The following CLVS1 variants were observed in gnomAD, a reference collection of about 807,000 sequenced individuals.
CLVS1 encodes the protein clavesin-1.
A neutral mutation model predicts 33.1 loss-of-function variants in CLVS1; 10 were observed. That is an observed-to-expected ratio of 0.30 (90% CI 0.19 to 0.51). The LOEUF is 0.51. Ranked by LOEUF, CLVS1 falls within the 20% of genes least tolerant of loss-of-function variation. The pLI is 0.97. For synonymous variants in CLVS1, 163 were observed against 166.1 expected (o/e 0.98, Z 0.14); for missense variants, 343 against 433.4 (o/e 0.79, Z 1.85).
At chr8:61,241,770 T>A (rs1808703182) in intron 2 of CLVS1, among the ~76,000 whole-genome samples, 1 of 152,246 alleles carries the variant, frequency 6.6e-6, no homozygotes, top group Non-Finnish European at 1.5e-5. Context: ...TCCTTTTATT[T>A]CTAAGATCTG....
At chr8:61,073,388 C>T (rs1171892487) in intron 1 of CLVS1, among the ~76,000 whole-genome samples, 1 of 152,116 alleles carries the variant, frequency 6.6e-6, no homozygotes, top group East Asian at 1.9e-4. Context: ...CTTCTAAAAC[C>T]ATGACTACAT....
At chr8:61,033,126 GGAAA>G in the CLVS1 span, among the ~76,000 whole-genome samples, 61 of 68,776 alleles carry the variant, frequency 8.9e-4, 6 homozygotes, top group East Asian at 9.9e-3. Flanking sequence ...AAGGAAGAAA[GGAAA>G]GAAAGAAAGA....
chr8:61,366,817 T>G (rs1813230207), intron 2 of CLVS1, among the ~76,000 whole-genome samples: 1 of 152,194 alleles, frequency 6.6e-6, no homozygotes, highest in Non-Finnish European at 1.5e-5. Flanking sequence ...ACGTGGCACC[T>G]GCTCATGGTG....
the CLVS1 span, among the ~76,000 whole-genome samples, chr8:61,013,712 A>G: frequency 1.4e-4 from 22 of 152,362 alleles, no homozygotes; most frequent in Admixed American, 1.4e-3. Context: ...GTGTGTGCCG[A>G]TGCCAAAATC....
At chr8:61,237,090 C>T (rs944070586) in intron 2 of CLVS1, among the ~76,000 whole-genome samples, 3 of 152,186 alleles carry the variant, frequency 2.0e-5, no homozygotes, top group Non-Finnish European at 2.9e-5. Flanking sequence ...GGAGGATGAT[C>T]AGTAAGACAA....
intron 3 of CLVS1, among the ~76,000 whole-genome samples, chr8:61,386,508 A>T (rs144466088): frequency 1.2e-3 from 190 of 152,320 alleles, no homozygotes; most frequent in African/African-American, 4.3e-3. Context: ...GCTGAAAAAG[A>T]GTACTATGAC....
chr8:61,129,961 G>A (rs1806056787), intron 1 of CLVS1, among the ~76,000 whole-genome samples: 1 of 152,202 alleles, frequency 6.6e-6, no homozygotes, highest in African/African-American at 2.4e-5. Context: ...GTTAAGGCCA[G>A]GTGTGGTGGC....
intron 2 of CLVS1, among the ~76,000 whole-genome samples, chr8:61,177,150 G>T (rs1807129008): frequency 6.6e-6 from 1 of 152,206 alleles, no homozygotes; most frequent in Non-Finnish European, 1.5e-5. Flanking sequence ...CCCTGCTGGA[G>T]CCAAGGATAA....
intron 2 of CLVS1, among the ~76,000 whole-genome samples, chr8:61,359,972 C>T (rs1398486383): frequency 1.3e-5 from 2 of 152,146 alleles, no homozygotes; most frequent in South Asian, 2.1e-4. Flanking sequence ...CACCTGCTAT[C>T]GGCATGGCCC....
intron 1 of CLVS1, among the ~76,000 whole-genome samples, chr8:61,085,805 C>G (rs546306822): frequency 2.0e-5 from 3 of 151,056 alleles, no homozygotes; most frequent in South Asian, 2.1e-4. Context: ...GGGCGGATCA[C>G]GAGGTCAGGA....
At chr8:61,064,850 C>T (rs1364146127) in intron 1 of CLVS1, among the ~76,000 whole-genome samples, 3 of 151,912 alleles carry the variant, frequency 2.0e-5, no homozygotes, top group Non-Finnish European at 2.9e-5. Context: ...TACAGGTGCC[C>T]GCCACCACGC....
chr8:60,997,366 A>G, the CLVS1 span, among the ~76,000 whole-genome samples: 1 of 152,234 alleles, frequency 6.6e-6, no homozygotes, highest in Non-Finnish European at 1.5e-5. Context: ...CTTGCCTAAA[A>G]TACAGGTTTA....
At chr8:61,034,949 G>A in the CLVS1 span, among the ~76,000 whole-genome samples, 1 of 152,114 alleles carries the variant, frequency 6.6e-6, no homozygotes, top group African/African-American at 2.4e-5. Flanking sequence ...CACAACTGGG[G>A]CCTAATCCTT....
intron 2 of CLVS1, among the ~76,000 whole-genome samples, chr8:61,239,531 G>A (rs1397711956): frequency 1.3e-5 from 2 of 152,002 alleles, no homozygotes; most frequent in Non-Finnish European, 2.9e-5. Flanking sequence ...CCAAGAATTC[G>A]AGACCCCACC....
intron 1 of CLVS1, among the ~76,000 whole-genome samples, chr8:61,075,120 C>T (rs1804885351): frequency 6.6e-6 from 1 of 152,172 alleles, no homozygotes; most frequent in African/African-American, 2.4e-5. Flanking sequence ...AAGGGAAGGA[C>T]TTTCCAGCAG....
intron 5 of CLVS1, among the ~76,000 whole-genome samples, chr8:61,475,373 C>T (rs947496336): frequency 4.5e-4 from 69 of 152,284 alleles, no homozygotes; most frequent in African/African-American, 1.6e-3. Context: ...ATCGCCACAC[C>T]AGCTTCCACA....
chr8:61,206,675 G>C (rs1489887537), intron 2 of CLVS1, among the ~76,000 whole-genome samples: 2 of 148,428 alleles, frequency 1.3e-5, no homozygotes, highest in African/African-American at 5.0e-5. Context: ...TGCAAGCTCC[G>C]CCTCCAGGGT....
At chr8:61,172,050 T>C (rs1807011926) in intron 2 of CLVS1, among the ~76,000 whole-genome samples, 1 of 152,210 alleles carries the variant, frequency 6.6e-6, no homozygotes, top group South Asian at 2.1e-4. Flanking sequence ...CACATATTCC[T>C]CTGCCTAGTC....
In CLVS1 at chr8:61,091,605, A is replaced by G. The variant is rs561099885; in HGVS notation, c.-243+34375A>G. On this transcript the variant is annotated intron_variant, in intron 1 of 2. Coordinates refer to the CLVS1 transcript ENST00000522621. ...CTCAAACAAAATAATATTTTTAAAC[A>G]AACTACAAAAAAGAACTTGAGTTAT... 1.8e-4 allele frequency among the ~76,000 whole-genome samples: 27 copies of G among 152,354 alleles called. 1 individual carries two copies. In the East Asian group the frequency reaches 4.8e-3, roughly 27 times the overall value.
Sources: allele counts gnomAD v4.1 joint callset (sites outside exome capture counted in the v4.1 genomes callset), GRCh38; gene constraint gnomAD v4.1.1; transcripts MANE v1.5; gene names NCBI Gene and HGNC (gene_info 2026-07-23, HGNC 2026-07-21).